ATG10: variants seen among roughly 807,000 people sequenced by gnomAD.
The protein encoded by ATG10 is autophagy related 10.
A neutral mutation model predicts 32.1 loss-of-function variants in ATG10; 30 were observed. That is an observed-to-expected ratio of 0.94 (90% CI 0.70 to 1.27). ATG10 has a LOEUF of 1.27. ATG10 is among the 50% of genes most tolerant of loss of function. The pLI, the probability that ATG10 is intolerant of heterozygous loss-of-function variation, is 0.00. For synonymous variants in ATG10, 87 were observed against 91.5 expected, an observed-to-expected ratio of 0.95 and a Z score of 0.28; for missense variants, 233 against 262.3, an observed-to-expected ratio of 0.89 and a Z score of 0.77.
rs1459167065 is a variant in ATG10, at chr5:82,255,107, C to CT, written c.*1045dup. The stretch of plus-strand genomic sequence containing the variant: ...TAATAAAACAATGGTCATTTTACCC[C>CT]TCTGCTTCTCAACCCCACAGCTGCT... On this transcript the variant is annotated 3_prime_UTR_variant, in exon 8 of 8. Coordinates refer to ENST00000282185, the MANE Select transcript of ATG10 (RefSeq NM_031482.5). 1 of 152,086 alleles carries CT rather than the reference C, an allele frequency of 6.6e-6. No individual in the cohort carries two copies. The highest frequency in any genetic ancestry group is 1.5e-5 in the Non-Finnish European group (1 of 68,012). 9.4% of individuals were successfully genotyped at this position (152,086 alleles called of 1,614,324 possible).
intron 3 of ATG10, among the ~76,000 whole-genome samples, chr5:82,081,100 A>G (rs1227846708): frequency 1.3e-5 from 2 of 152,118 alleles, no homozygotes; most frequent in Non-Finnish European, 2.9e-5. Flanking sequence ...TTGGATTCCT[A>G]GGTATTTTAT....
At chr5:82,090,352 A>G (rs1226514635) in intron 3 of ATG10, among the ~76,000 whole-genome samples, 1 of 152,192 alleles carries the variant, frequency 6.6e-6, no homozygotes, top group Non-Finnish European at 1.5e-5. Flanking sequence ...CAAACTTAGA[A>G]ACAACCCACA....
chr5:82,004,378 A>G (rs1761932487), intron 2 of ATG10, among the ~76,000 whole-genome samples: 2 of 152,234 alleles, frequency 1.3e-5, no homozygotes, highest in African/African-American at 4.8e-5. Context: ...AGTACCCTGT[A>G]TGAAGTATTT....
chr5:82,156,857 T>C (rs1309699093), intron 3 of ATG10, among the ~76,000 whole-genome samples: 1 of 152,238 alleles, frequency 6.6e-6, no homozygotes, highest in Non-Finnish European at 1.5e-5. Context: ...TATTTCCTCC[T>C]GCCAAAGAAC....
intron 3 of ATG10, among the ~76,000 whole-genome samples, chr5:82,162,236 AC>A (rs2149897288): frequency 6.6e-6 from 1 of 152,268 alleles, no homozygotes; most frequent in South Asian, 2.1e-4. Flanking sequence ...AAGAATAAAA[AC>A]AAGCAAATCA....
chr5:82,211,810 G>T (rs758608324), intron 5 of ATG10, among the ~76,000 whole-genome samples: 12 of 152,206 alleles, frequency 7.9e-5, no homozygotes, highest in Non-Finnish European at 1.3e-4. Flanking sequence ...TAATGCCTCT[G>T]CTTCTCACTG....
rs541974391 is a variant in ATG10, at chr5:82,228,953, A to G, written c.454-23609A>G. On this transcript the variant is annotated intron_variant, in intron 5 of 7. Transcript: ENST00000282185. ...CAAGTTGAGAAAGTAGGTAAATTAT[A>G]GAAGCCTGAGGTTCCCGTGGCAGAA... Among the ~76,000 whole-genome samples, 3 of 152,378 alleles carry G rather than the reference A, an allele frequency of 2.0e-5. No homozygotes were observed. In the South Asian group the frequency reaches 6.2e-4, roughly 32 times the overall value.
At chr5:82,191,048 T>A (rs1302173430) in intron 5 of ATG10, among the ~76,000 whole-genome samples, 1 of 152,186 alleles carries the variant, frequency 6.6e-6, no homozygotes, top group African/African-American at 2.4e-5. Flanking sequence ...AGAAAAGATG[T>A]ACTAATTCTA....
chr5:82,234,430 C>T (rs962560314), intron 5 of ATG10, among the ~76,000 whole-genome samples: 2 of 152,136 alleles, frequency 1.3e-5, no homozygotes, highest in African/African-American at 2.4e-5. Flanking sequence ...TGGGCTCATC[C>T]GTAAAACCCT....
At chr5:82,064,897 A>T (rs989147300) in intron 3 of ATG10, among the ~76,000 whole-genome samples, 16 of 152,188 alleles carry the variant, frequency 1.1e-4, no homozygotes, top group African/African-American at 3.9e-4. Context: ...CATGATATTG[A>T]TATCTTTATT....
At chr5:82,216,376 C>A (rs892533179) in intron 5 of ATG10, among the ~76,000 whole-genome samples, 1 of 152,184 alleles carries the variant, frequency 6.6e-6, no homozygotes, top group Non-Finnish European at 1.5e-5. Context: ...AAGTAACTTT[C>A]CTTTTTCATA....
At chr5:82,168,464 G>A (rs1339296167) in intron 4 of ATG10, among the ~76,000 whole-genome samples, 1 of 152,128 alleles carries the variant, frequency 6.6e-6, no homozygotes, top group Non-Finnish European at 1.5e-5. Context: ...TGACATATGG[G>A]TTCTTCTTGG....
chr5:82,108,398 A>G (rs1323121906), intron 3 of ATG10, among the ~76,000 whole-genome samples: 1 of 151,942 alleles, frequency 6.6e-6, no homozygotes, highest in African/African-American at 2.4e-5. Flanking sequence ...ATATATACAC[A>G]CAGTATATGC....
chr5:82,052,527 A>C (rs185586133), intron 2 of ATG10, among the ~76,000 whole-genome samples: 34 of 152,300 alleles, frequency 2.2e-4, no homozygotes, highest in Non-Finnish European at 4.3e-4. Context: ...TGCAAAGGGC[A>C]ATTAATTATT....
intron 4 of ATG10, among the ~76,000 whole-genome samples, chr5:82,177,082 A>G (rs574021617): frequency 6.6e-6 from 1 of 152,312 alleles, no homozygotes; most frequent in South Asian, 2.1e-4. Context: ...TTTGAGAATT[A>G]CTGGAATAAT....
intron 2 of ATG10, among the ~76,000 whole-genome samples, chr5:81,998,317 C>T (rs771361948): frequency 6.6e-6 from 1 of 152,114 alleles, no homozygotes; most frequent in Non-Finnish European, 1.5e-5. Context: ...GAAATAAGAT[C>T]CTTTCCAGAC....
At chr5:82,203,524 G>C (rs1390024232) in intron 5 of ATG10, among the ~76,000 whole-genome samples, 1 of 152,036 alleles carries the variant, frequency 6.6e-6, no homozygotes, top group East Asian at 1.9e-4. Flanking sequence ...GATAGGCTGT[G>C]GTGGGTTTAC....
At chr5:82,219,359 A>T (rs942630982) in intron 5 of ATG10, among the ~76,000 whole-genome samples, 2 of 152,234 alleles carry the variant, frequency 1.3e-5, no homozygotes, top group South Asian at 4.1e-4. Context: ...ATTAATTAGC[A>T]TGCTAGGATG....
chr5:82,153,486 CAG>C (rs904309484), intron 3 of ATG10, among the ~76,000 whole-genome samples: 2 of 152,042 alleles, frequency 1.3e-5, no homozygotes, highest in African/African-American at 4.8e-5. Context: ...TCAGAGGTGA[CAG>C]GGGTGACAGA....
Sources: allele counts gnomAD v4.1 joint callset (sites outside exome capture counted in the v4.1 genomes callset), GRCh38; gene constraint gnomAD v4.1.1; transcripts MANE v1.5; gene names NCBI Gene and HGNC (gene_info 2026-07-23, HGNC 2026-07-21).